NXPE2: variants seen among roughly 807,000 people sequenced by gnomAD.
The protein encoded by NXPE2 is neurexophilin and PC-esterase domain family member 2.
Under a neutral mutation model 34.4 loss-of-function variants are expected in NXPE2, and 34 were observed. The observed-to-expected ratio is 0.99, with a 90% CI of 0.75 to 1.31. NXPE2 has a LOEUF of 1.31. NXPE2 is among the 40% of genes most tolerant of loss of function. NXPE2 has a pLI of 0.00. For synonymous variants in NXPE2, 235 were observed against 231.3 expected (o/e 1.02, Z -0.15); for missense variants, 649 against 672.5 (o/e 0.97, Z 0.39).
the NXPE2 span, chr11:114,527,745 T>G: frequency 1.3e-6 from 1 of 747,340 alleles, no homozygotes; most frequent in Admixed American, 2.7e-5. Context: ...AGACATCTGC[T>G]AGGAATTGTG....
At chr11:114,583,381 C>A in the NXPE2 span, 2 of 625,202 alleles carry the variant, frequency 3.2e-6, no homozygotes, top group South Asian at 3.0e-5. Context: ...ATTTGCTGCT[C>A]AACTATGGTT....
the NXPE2 span, among the ~76,000 whole-genome samples, chr11:114,589,250 G>A: frequency 4.1e-3 from 630 of 152,260 alleles, 3 homozygotes; most frequent in African/African-American, 0.014. Flanking sequence ...TGGTCCAGCA[G>A]GACTGATGGG....
the NXPE2 span, among the ~76,000 whole-genome samples, chr11:114,656,038 C>G: frequency 4.6e-5 from 7 of 152,154 alleles, no homozygotes; most frequent in Non-Finnish European, 8.8e-5. Flanking sequence ...CCCATCATCT[C>G]AGCCCCAAAA....
chr11:114,475,369 C>T, the NXPE2 span, among the ~76,000 whole-genome samples: 1 of 151,324 alleles, frequency 6.6e-6, no homozygotes, highest in Non-Finnish European at 1.5e-5. Context: ...TCAGCCTCTC[C>T]AGTAGCTGGG....
the NXPE2 span, among the ~76,000 whole-genome samples, chr11:114,739,963 C>T: frequency 6.6e-6 from 1 of 152,120 alleles, no homozygotes; most frequent in Non-Finnish European, 1.5e-5. Flanking sequence ...ATACAGTAGT[C>T]CTCTTTTATC....
chr11:114,576,345 A>G, the NXPE2 span, among the ~76,000 whole-genome samples: 1 of 131,014 alleles, frequency 7.6e-6, no homozygotes, highest in Non-Finnish European at 1.7e-5. Flanking sequence ...ACAAACATAA[A>G]TGGATGGGAC....
the NXPE2 span, among the ~76,000 whole-genome samples, chr11:114,654,254 A>G: frequency 6.6e-6 from 1 of 152,062 alleles, no homozygotes; most frequent in Non-Finnish European, 1.5e-5. Context: ...GGAGCTTTGA[A>G]TGAAACAGAG....
chr11:114,684,524 T>C (rs1951008948), intron 2 of NXPE2, among the ~76,000 whole-genome samples: 1 of 152,096 alleles, frequency 6.6e-6, no homozygotes, highest in Admixed American at 6.5e-5. Flanking sequence ...GGATGAAGTA[T>C]AAAGCAAGAA....
chr11:114,770,316 C>G, the NXPE2 span, among the ~76,000 whole-genome samples: 1 of 152,184 alleles, frequency 6.6e-6, no homozygotes, highest in Non-Finnish European at 1.5e-5. Context: ...CTTCCTACCC[C>G]CTCCCCATCT....
chr11:114,667,730 C>G, the NXPE2 span, among the ~76,000 whole-genome samples: 1 of 152,088 alleles, frequency 6.6e-6, no homozygotes, highest in South Asian at 2.1e-4. Flanking sequence ...CTCCTGACAA[C>G]AGCCATCTGA....
chr11:114,718,100 T>A, the NXPE2 span, among the ~76,000 whole-genome samples: 1 of 152,200 alleles, frequency 6.6e-6, no homozygotes, highest in Non-Finnish European at 1.5e-5. Context: ...AATGAATGAA[T>A]AATAAATATC....
At chr11:114,620,153 A>C in the NXPE2 span, among the ~76,000 whole-genome samples, 1 of 150,164 alleles carries the variant, frequency 6.7e-6, no homozygotes, top group Non-Finnish European at 1.5e-5. Flanking sequence ...GTTAACTGGT[A>C]GATGATAAAT....
At chr11:114,748,921 A>G in the NXPE2 span, among the ~76,000 whole-genome samples, 1 of 152,240 alleles carries the variant, frequency 6.6e-6, no homozygotes, top group African/African-American at 2.4e-5. Context: ...ATTAGTTGCC[A>G]TCATTGTTTA....
At chr11:114,755,418 C>G in the NXPE2 span, among the ~76,000 whole-genome samples, 3,955 of 152,090 alleles carry the variant, frequency 0.026, 174 homozygotes, top group African/African-American at 0.09. Context: ...TTTTCTTTTT[C>G]TGCCTCTATT....
chr11:114,685,347 G>C (rs1016609186), intron 2 of NXPE2, among the ~76,000 whole-genome samples: 4 of 152,082 alleles, frequency 2.6e-5, no homozygotes, highest in African/African-American at 7.2e-5. Flanking sequence ...ATGAGGGACT[G>C]CTTCCTTGTT....
Position 114,698,088 on chromosome 11 carries a change from A to C in NXPE2, c.176A>C (p.Asn59Thr), listed in dbSNP as rs1951292387. 1.9e-6 allele frequency: 3 copies of C among 1,600,222 alleles called. No individual in the cohort carries two copies. In the South Asian group the frequency reaches 3.4e-5, roughly 18 times the overall value. The change falls in exon 3 of 6, where the codon AAC becomes ACC. Residue 59 changes from asparagine to threonine, a missense_variant. Physicochemically the swap from Asn to Thr is moderately conservative, Grantham distance 65. Transcript: ENST00000389586. ...AACCATATTATCCTGAACCAAGGGA[A>C]CATCTTCAAAAAATATTCACACTCT... ...LENHIILNQG[N>T]IFKKYSHSET...
the NXPE2 span, among the ~76,000 whole-genome samples, chr11:114,579,357 G>T: frequency 6.6e-6 from 1 of 152,204 alleles, no homozygotes; most frequent in Non-Finnish European, 1.5e-5. Flanking sequence ...GTTTCAACAT[G>T]AGATTTGGAG....
At chr11:114,803,047 G>A in the NXPE2 span, among the ~76,000 whole-genome samples, 2 of 152,094 alleles carry the variant, frequency 1.3e-5, no homozygotes, top group East Asian at 3.9e-4. Context: ...AAGATCAGAC[G>A]ACTGCTTCTC....
chr11:114,638,377 TC>T, the NXPE2 span, among the ~76,000 whole-genome samples: 1 of 152,036 alleles, frequency 6.6e-6, no homozygotes, highest in Non-Finnish European at 1.5e-5. Flanking sequence ...AAATTTTTTT[TC>T]AAAGTTTTTA....
Sources: gnomAD v4.1 joint callset for allele counts (sites outside exome capture counted in the v4.1 genomes callset) on GRCh38, gnomAD v4.1.1 for gene constraint, MANE v1.5 for transcripts, NCBI Gene and HGNC (gene_info 2026-07-23, HGNC 2026-07-21) for gene names.